ADAMTS3: variants seen among roughly 807,000 people sequenced by gnomAD.
ADAMTS3 encodes the protein ADAM metallopeptidase with thrombospondin type 1 motif 3.
A neutral mutation model predicts 129.0 loss-of-function variants in ADAMTS3; 73 were observed. The observed-to-expected ratio is 0.57, with a 90% CI of 0.47 to 0.69. The LOEUF is 0.69. ADAMTS3 is among the 30% of genes least tolerant of loss of function. The pLI, the probability that ADAMTS3 is intolerant of heterozygous loss-of-function variation, is 0.00. For synonymous variants in ADAMTS3, 477 were observed against 510.8 expected (o/e 0.93, Z 0.89); for missense variants, 1,457 against 1,514.5 (o/e 0.96, Z 0.63).
intron 3 of ADAMTS3, among the ~76,000 whole-genome samples, chr4:72,455,198 G>A (rs1045516213): frequency 2.0e-5 from 3 of 151,692 alleles, no homozygotes; most frequent in Middle Eastern, 3.4e-3. Flanking sequence ...GCAAAGAAGC[G>A]ATTAAAGTAT....
intron 3 of ADAMTS3, among the ~76,000 whole-genome samples, chr4:72,417,806 G>A (rs1453025372): frequency 2.6e-5 from 4 of 151,314 alleles, no homozygotes; most frequent in Admixed American, 1.3e-4. Flanking sequence ...GGTGGCAGGC[G>A]CCTGTAGTCC....
intron 3 of ADAMTS3, among the ~76,000 whole-genome samples, chr4:72,538,352 T>C (rs1185625286): frequency 2.0e-5 from 3 of 152,298 alleles, no homozygotes; most frequent in African/African-American, 7.2e-5. Context: ...ATTAAATTGC[T>C]GAAAGACAAA....
At chr4:72,371,808 C>G (rs1721016178) in intron 4 of ADAMTS3, among the ~76,000 whole-genome samples, 1 of 151,528 alleles carries the variant, frequency 6.6e-6, no homozygotes, top group African/African-American at 2.4e-5. Context: ...GCATTGTACT[C>G]AAAACTCACA....
At chr4:72,491,836 C>A (rs1085945) in intron 3 of ADAMTS3, among the ~76,000 whole-genome samples, 151,706 of 151,840 alleles carry the variant, frequency 1, 75,786 homozygotes, top group Non-Finnish European at 1. Context: ...CAGTCTGAGA[C>A]AGATTCATAT....
At chr4:72,311,810 G>A (rs1276613419) in intron 13 of ADAMTS3, among the ~76,000 whole-genome samples, 1 of 152,076 alleles carries the variant, frequency 6.6e-6, no homozygotes, top group Non-Finnish European at 1.5e-5. Context: ...GAAGTAAGAA[G>A]TGAAACATTA....
chr4:72,467,553 A>C (rs1330993822), intron 3 of ADAMTS3, among the ~76,000 whole-genome samples: 2 of 151,930 alleles, frequency 1.3e-5, no homozygotes, highest in Non-Finnish European at 2.9e-5. Flanking sequence ...CCATACTCTT[A>C]CAATTTAAAA....
At chr4:72,552,793 T>G (rs1304122946) in intron 2 of ADAMTS3, among the ~76,000 whole-genome samples, 3 of 152,136 alleles carry the variant, frequency 2.0e-5, no homozygotes, top group Non-Finnish European at 2.9e-5. Context: ...AATGTGACCC[T>G]CTCAGTGAAG....
chr4:72,370,178 A>C (rs545331910), intron 4 of ADAMTS3, among the ~76,000 whole-genome samples: 2 of 152,278 alleles, frequency 1.3e-5, no homozygotes, highest in South Asian at 2.1e-4. Flanking sequence ...CATTACCAAA[A>C]GAGCTAAGGT....
intron 3 of ADAMTS3, among the ~76,000 whole-genome samples, chr4:72,428,351 A>G (rs1286884333): frequency 2.0e-5 from 3 of 151,994 alleles, no homozygotes; most frequent in African/African-American, 7.2e-5. Flanking sequence ...TATCTGTTTT[A>G]GTTTTTCATG....
intron 4 of ADAMTS3, among the ~76,000 whole-genome samples, chr4:72,412,957 T>C (rs1474604489): frequency 1.3e-5 from 2 of 152,068 alleles, no homozygotes; most frequent in Non-Finnish European, 1.5e-5. Flanking sequence ...TCTAAAGCAA[T>C]GTCCCAAATT....
intron 3 of ADAMTS3, among the ~76,000 whole-genome samples, chr4:72,453,081 C>G (rs975960270): frequency 5.9e-5 from 9 of 151,758 alleles, no homozygotes; most frequent in Non-Finnish European, 8.8e-5. Context: ...AACCTGATTG[C>G]TTAAACAAAT....
intron 4 of ADAMTS3, among the ~76,000 whole-genome samples, chr4:72,377,908 G>A (rs906249165): frequency 6.6e-6 from 1 of 152,166 alleles, no homozygotes; most frequent in African/African-American, 2.4e-5. Flanking sequence ...ATAACAGAGT[G>A]TGAGCACTCT....
chr4:72,436,254 A>C (rs1398821348), intron 3 of ADAMTS3, among the ~76,000 whole-genome samples: 2 of 152,212 alleles, frequency 1.3e-5, no homozygotes, highest in Admixed American at 1.3e-4. Context: ...ACATGAAAAA[A>C]ATGTTCATCA....
Position 72,569,108 on chromosome 4 carries a change from C to G in ADAMTS3, c.-346G>C. The stretch of plus-strand genomic sequence containing the variant: ...TCTGCCCAAAGCAGCTTTTTCGAGG[C>G]TTTTCGAGCACCATTGGTCCCTAAG... On this transcript the variant is annotated 5_prime_UTR_variant, in exon 1 of 22. Coordinates refer to ENST00000286657, the MANE Select transcript of ADAMTS3 (RefSeq NM_014243.3). 3.0e-6 allele frequency: 1 copy of G among 331,278 alleles called. No individual in the cohort carries two copies. Among genetic ancestry groups the G allele is most frequent in the Non-Finnish European group, 5.6e-6 (1 of 179,676 alleles). The allele number at this position is 331,278 out of a possible 1,614,324, so 20.5% of individuals were successfully genotyped here.
At chr4:72,464,366 T>A (rs1718862780) in intron 3 of ADAMTS3, among the ~76,000 whole-genome samples, 1 of 152,010 alleles carries the variant, frequency 6.6e-6, no homozygotes. Flanking sequence ...GTGGATAGAA[T>A]TTAAACTTAG....
At chr4:72,343,506 G>A (rs911104382) in intron 4 of ADAMTS3, among the ~76,000 whole-genome samples, 2 of 151,930 alleles carry the variant, frequency 1.3e-5, no homozygotes, top group African/African-American at 4.8e-5. Context: ...CACCATGATC[G>A]TGTCTCCCAA....
rs1320724427 is a variant in ADAMTS3, at chr4:72,517,097, G to C, written c.504+31381C>G. Among the ~76,000 whole-genome samples the C allele has an allele frequency of 7.9e-5, 12 of 152,176 alleles. No homozygotes were observed. In the East Asian group the frequency reaches 2.3e-3, roughly 29 times the overall value. The stretch of plus-strand genomic sequence containing the variant: ...TTTCTGCATCTATTGAGATAATCAT[G>C]TGGTTTTTGTCTTTGGTTCTGTTTA... On this transcript the variant is annotated intron_variant, in intron 3 of 21. Transcript: ENST00000286657.
At chr4:72,483,598 ATCT>A (rs1298822084) in intron 3 of ADAMTS3, among the ~76,000 whole-genome samples, 2 of 152,176 alleles carry the variant, frequency 1.3e-5, no homozygotes, top group Non-Finnish European at 2.9e-5. Context: ...TGTAGGACAA[ATCT>A]TCTGTTAACA....
chr4:72,522,636 T>A (rs1165354491), intron 3 of ADAMTS3, among the ~76,000 whole-genome samples: 1 of 152,178 alleles, frequency 6.6e-6, no homozygotes, highest in East Asian at 1.9e-4. Context: ...ACAGCGTGAC[T>A]ATGCTTACCA....
Sources: gnomAD v4.1 joint callset for allele counts (sites outside exome capture counted in the v4.1 genomes callset) on GRCh38, gnomAD v4.1.1 for gene constraint, MANE v1.5 for transcripts, NCBI Gene and HGNC (gene_info 2026-07-23, HGNC 2026-07-21) for gene names.